Variants in SPHKAP observed in about 807,000 individuals in gnomAD.
The protein encoded by SPHKAP is SPHK1 interactor, AKAP domain containing, also known as A-kinase anchor protein SPHKAP.
Under a neutral mutation model 137.5 loss-of-function variants are expected in SPHKAP, and 67 were observed. The ratio of observed to expected loss-of-function variants is 0.49; its 90% CI spans 0.40 to 0.60. The LOEUF is 0.60. Ranked by LOEUF, SPHKAP falls within the 20% of genes least tolerant of loss-of-function variation. The probability of loss-of-function intolerance (pLI) is 0.00; values close to 1 mark genes in which losing one functional copy is unlikely to be tolerated. For missense variants in SPHKAP, 2,097 were observed against 2,069.3 expected, an observed-to-expected ratio of 1.01 and a Z score of -0.26; for synonymous variants, 813 against 785.3, an observed-to-expected ratio of 1.04 and a Z score of -0.59.
chr2:228,076,188 G>A (rs1041134078), intron 3 of SPHKAP, among the ~76,000 whole-genome samples: 5 of 152,272 alleles, frequency 3.3e-5, no homozygotes, highest in South Asian at 4.2e-4. Context: ...CACTGGAACT[G>A]TAAGTTTAAT....
intron 7 of SPHKAP, among the ~76,000 whole-genome samples, chr2:228,001,914 G>A (rs1325708892): frequency 1.3e-5 from 2 of 152,026 alleles, no homozygotes; most frequent in Non-Finnish European, 2.9e-5. Context: ...ATTTTTTATG[G>A]CTGCATAGTA....
In SPHKAP at chr2:228,018,576, G is replaced by A; in HGVS notation, c.2278C>T (p.Gln760Ter). The stretch of plus-strand genomic sequence containing the variant: ...GATTCAGTGGCTTTTGTCCAAGCTT[G>A]ACTAGCACCCGGATCAGATGGCTGG... ...SCQPSDPGASQAWTKATESSS... is the reference protein window; with the variant it reads ...SCQPSDPGAS The change falls in exon 7 of 12, where the codon CAA becomes TAA. Residue 760 changes from glutamine (Q) to a stop codon, truncating the protein, a stop_gained. Transcript: ENST00000392056. LOFTEE classifies it high-confidence loss of function. 6.2e-7 allele frequency: 1 copy of A among 1,613,920 alleles called. No individual in the cohort carries two copies. The highest frequency in any genetic ancestry group is 8.5e-7 in the Non-Finnish European group (1 of 1,179,872).
intron 1 of SPHKAP, among the ~76,000 whole-genome samples, chr2:228,165,053 G>A (rs1472105538): frequency 6.6e-6 from 1 of 151,956 alleles, no homozygotes; most frequent in Non-Finnish European, 1.5e-5. Flanking sequence ...TATTAGTACT[G>A]AATAAATAAA....
At chr2:228,132,161 A>G (rs1699274170) in intron 1 of SPHKAP, 76 bp from the exon 2 acceptor site, 1 of 1,209,796 alleles carries the variant, frequency 8.3e-7, no homozygotes, top group African/African-American at 1.5e-5. Flanking sequence ...TAAGTAAATC[A>G]CAACATGGTG....
intron 3 of SPHKAP, among the ~76,000 whole-genome samples, chr2:228,092,425 ATATATGTATATATGTG>A (rs1697809864): frequency 8.1e-6 from 1 of 122,930 alleles, no homozygotes; most frequent in African/African-American, 3.1e-5. Flanking sequence ...ACATATATAC[ATATATGTATATATGTG>A]CCATATATAT....
At chr2:228,049,877 T>G (rs933379715) in intron 3 of SPHKAP, among the ~76,000 whole-genome samples, 1 of 152,160 alleles carries the variant, frequency 6.6e-6, no homozygotes, top group African/African-American at 2.4e-5. Flanking sequence ...ATGTACCACA[T>G]TTTCTTTATC....
chr2:228,054,156 G>C lies in SPHKAP; in HGVS notation c.247-26613C>G, dbSNP rs958521380. ...GTGGCCAAGGTAATACAATAGAAGA[G>C]AGTAAGCAGACCTTTCAGAGACAAC... On this transcript the variant is annotated intron_variant, in intron 3 of 11. Coordinates refer to ENST00000392056, the MANE Select transcript of SPHKAP (RefSeq NM_001142644.2). Among the ~76,000 whole-genome samples the C allele has an allele frequency of 2.6e-5, 4 of 152,202 alleles. No individual in the cohort carries two copies. In the East Asian group the frequency reaches 7.7e-4, roughly 29 times the overall value.
chr2:228,151,936 T>C (rs1445100987), intron 1 of SPHKAP, among the ~76,000 whole-genome samples: 1 of 152,206 alleles, frequency 6.6e-6, no homozygotes, highest in Non-Finnish European at 1.5e-5. Context: ...GTGGAATTTT[T>C]ATTATCCTTA....
chr2:228,005,667 T>A (rs953118542), intron 7 of SPHKAP, among the ~76,000 whole-genome samples: 1 of 152,222 alleles, frequency 6.6e-6, no homozygotes, highest in Admixed American at 6.5e-5. Context: ...CAATTTGGCA[T>A]GTTTTTGCAG....
chr2:228,117,146 TCC>T (rs1176309490), intron 2 of SPHKAP, among the ~76,000 whole-genome samples: 1 of 152,158 alleles, frequency 6.6e-6, no homozygotes, highest in African/African-American at 2.4e-5. Flanking sequence ...TCAATTTGTG[TCC>T]CACACTTTTC....
chr2:228,004,266 A>C (rs1168802637), intron 7 of SPHKAP, among the ~76,000 whole-genome samples: 2 of 152,262 alleles, frequency 1.3e-5, no homozygotes, highest in East Asian at 3.9e-4. Context: ...TCAGAGATTC[A>C]ACTTCTTCCT....
Position 228,037,290 on chromosome 2 carries a change from G to T in SPHKAP, c.247-9747C>A, listed in dbSNP as rs75557435. On this transcript the variant is annotated intron_variant, in intron 3 of 11. Transcript: ENST00000392056. ...GCCCACAAGGAGAAAATTTCTGGTT[G>T]ACTGGGCATCAAAGAGGACCCAATC... Among the ~76,000 whole-genome samples the T allele has an allele frequency of 9.5e-3, 1,450 of 152,256 alleles. 17 individuals are homozygous for T. Among genetic ancestry groups the T allele is most frequent in the African/African-American group, 0.032 (1,339 of 41,534 alleles).
chr2:227,996,969 C>T (rs1693661021), intron 7 of SPHKAP, among the ~76,000 whole-genome samples: 1 of 152,212 alleles, frequency 6.6e-6, no homozygotes, highest in African/African-American at 2.4e-5. Context: ...GATTGGAGGG[C>T]TTATCCTGAA....
At chr2:228,179,123 T>C (rs1253814015) in intron 1 of SPHKAP, among the ~76,000 whole-genome samples, 3 of 152,206 alleles carry the variant, frequency 2.0e-5, no homozygotes, top group Non-Finnish European at 4.4e-5. Context: ...TATTAAATCA[T>C]TTTGTTTTCT....
intron 6 of SPHKAP, among the ~76,000 whole-genome samples, chr2:228,020,497 T>A (rs566823422): frequency 6.6e-6 from 1 of 152,220 alleles, no homozygotes; most frequent in Non-Finnish European, 1.5e-5. Flanking sequence ...ATGTTCTCAC[T>A]CATAGGTGGG....
At chr2:228,009,493 G>A (rs10191052) in intron 7 of SPHKAP, among the ~76,000 whole-genome samples, 65,471 of 151,864 alleles carry the variant, frequency 0.43, 14,421 homozygotes, top group South Asian at 0.59. Context: ...GTTTCCCTTC[G>A]TTCAAAGTCC....
chr2:228,171,161 G>C (rs1057230913), intron 1 of SPHKAP, among the ~76,000 whole-genome samples: 3 of 152,118 alleles, frequency 2.0e-5, no homozygotes, highest in East Asian at 1.9e-4. Flanking sequence ...AACATTTCAA[G>C]TGCTTCCAAT....
chr2:228,108,844 T>A lies in SPHKAP; in HGVS notation c.234A>T (p.Glu78Asp). The A allele has an allele frequency of 6.2e-7, 1 of 1,608,026 alleles. No individual in the cohort carries two copies. Among genetic ancestry groups the A allele is most frequent in the Non-Finnish European group, 8.5e-7 (1 of 1,178,366 alleles). ...TCTGTGTACTTACAGAAGCACAGTT[T>A]TCAGACTTGTCTTCTACAAAACCAA... Reference protein sequence around the residue: ...CQIGFVEDKSENCASVCFVNL... With the variant: ...CQIGFVEDKSDNCASVCFVNL... Residue 78 changes from glutamate to aspartate, a missense_variant, in exon 3 of 12, where the codon GAA becomes GAT. Glu to Asp is a conservative substitution (Grantham distance 45, BLOSUM62 2). Coordinates refer to ENST00000392056, the MANE Select transcript of SPHKAP (RefSeq NM_001142644.2).
At chr2:228,111,684 C>T (rs6750884) in intron 2 of SPHKAP, among the ~76,000 whole-genome samples, 52,308 of 151,546 alleles carry the variant, frequency 0.35, 9,278 homozygotes, top group East Asian at 0.51. Flanking sequence ...TTTGCAATGC[C>T]CTATGGTAGG....
Sources: gnomAD v4.1 joint callset for allele counts (sites outside exome capture counted in the v4.1 genomes callset) on GRCh38, gnomAD v4.1.1 for gene constraint, MANE v1.5 for transcripts, NCBI Gene and HGNC (gene_info 2026-07-23, HGNC 2026-07-21) for gene names.